Variants in FRMD1 observed in about 807,000 individuals in gnomAD.
FRMD1 encodes the protein FERM domain-containing protein 1.
A neutral mutation model predicts 54.9 loss-of-function variants in FRMD1; 51 were observed. The observed-to-expected ratio is 0.93, with a 90% CI of 0.74 to 1.17. The LOEUF (loss-of-function observed/expected upper bound fraction) is 1.17, where lower values mean the gene tolerates loss of function less well. FRMD1 is among the 50% of genes most tolerant of loss of function. The pLI, the probability that FRMD1 is intolerant of heterozygous loss-of-function variation, is 0.00. For synonymous variants in FRMD1, 324 were observed against 306.4 expected (o/e 1.06, Z -0.60); for missense variants, 729 against 743.0 (o/e 0.98, Z 0.22).
chr6:168,073,638 G>A (rs576406506), intron 2 of FRMD1, among the ~76,000 whole-genome samples: 1 of 152,108 alleles, frequency 6.6e-6, no homozygotes, highest in East Asian at 1.9e-4. Flanking sequence ...CCGCGCTGAG[G>A]GAAAGGCTGG....
At chr6:168,065,700 A>C in intron 4 of FRMD1, 9 of 986,878 alleles carry the variant, frequency 9.1e-6, no homozygotes, top group Non-Finnish European at 1.1e-5. Context: ...ACCACATACC[A>C]GTGTCTCCAG....
chr6:168,066,530 G>A (rs571158673), intron 4 of FRMD1: 19 of 1,282,964 alleles, frequency 1.5e-5, no homozygotes, highest in Non-Finnish European at 1.8e-5. Context: ...AAAAGAAAAA[G>A]AAAAGAAAAA....
rs1389156341 is a variant in FRMD1, at chr6:168,065,800, G to A, written c.462-743C>T. On this transcript the variant is annotated intron_variant, in intron 4 of 10. Coordinates refer to ENST00000283309, the MANE Select transcript of FRMD1 (RefSeq NM_024919.6). Reference sequence around the variant, plus strand: ...ACCCCCTAGAACCTTCCACACAACCGCACACATGCCTTTTGGAACTGGCAG... The same window carrying A: ...ACCCCCTAGAACCTTCCACACAACCACACACATGCCTTTTGGAACTGGCAG... 6.0e-6 allele frequency: 6 copies of A among 998,458 alleles called. No homozygotes were observed. The East Asian group carries it at 3.4e-4, about 57-fold the overall frequency. 61.8% of individuals were successfully genotyped at this position (998,458 alleles called of 1,614,324 possible).
upstream of FRMD1, among the ~76,000 whole-genome samples, chr6:168,086,416 C>T (rs561360748): frequency 2.7e-5 from 4 of 149,824 alleles, no homozygotes; most frequent in South Asian, 2.1e-4. Context: ...GACACCTACA[C>T]CCCTAGCATG....
intron 2 of FRMD1, among the ~76,000 whole-genome samples, chr6:168,070,088 G>A (rs1322337074): frequency 6.6e-6 from 1 of 152,206 alleles, no homozygotes. Flanking sequence ...TCTGGCTGTG[G>A]TGGTATGCAT....
In FRMD1 at chr6:168,073,369, G is replaced by A. The variant is rs564574343; in HGVS notation, c.304+1876C>T. ...ACACCTGCCCTCAGGGGCTCATGGT[G>A]TCCACTCAGGGTCCCCTGGGGGACT... On this transcript the variant is annotated intron_variant, in intron 2 of 10. Coordinates refer to ENST00000283309, the MANE Select transcript of FRMD1 (RefSeq NM_024919.6). Among the ~76,000 whole-genome samples, 11 of 152,312 alleles carry A rather than the reference G, an allele frequency of 7.2e-5. No homozygotes were observed. The South Asian group carries it at 2.1e-3, about 29-fold the overall frequency.
rs1012390031 is a variant in FRMD1, at chr6:168,053,671, T to A, written c.*3426A>T. 1.3e-5 allele frequency: 2 copies of A among 152,258 alleles called. No individual in the cohort carries two copies. Among genetic ancestry groups the A allele is most frequent in the African/African-American group, 4.8e-5 (2 of 41,472 alleles). 9.4% of individuals were successfully genotyped at this position (152,258 alleles called of 1,614,324 possible). A position where few individuals can be genotyped will look rare whatever the true frequency, so the allele number is the denominator to read the frequency against. On this transcript the variant is annotated 3_prime_UTR_variant, in exon 11 of 11. Transcript: ENST00000283309. ...TTTTTCTGCAAGTTTTACAAACTGA[T>A]AAACCTTTGTGAATGCACTCGCAGG...
chr6:168,062,906 C>T lies in FRMD1; in HGVS notation c.858G>A (p.Val286=), dbSNP rs747914557. The T allele has an allele frequency of 3.1e-6, 5 of 1,613,946 alleles. No homozygotes were observed. Among genetic ancestry groups the T allele is most frequent in the East Asian group, 2.2e-5 (1 of 44,864 alleles). ...CCCCTTCGGTCACCTGGTAGATGTGCACTCCCCTGAGGGCCAGTCCCAGGA... is the reference window on the plus strand; with the variant it reads ...CCCCTTCGGTCACCTGGTAGATGTGTACTCCCCTGAGGGCCAGTCCCAGGA... ...TVILGLALRG[V]HIYQGKKLEI... is the part of the protein sequence containing the mutation. The change falls in exon 7 of 11, where the codon GTG becomes GTA. Residue 286 remains valine (V), a synonymous_variant. Transcript: ENST00000283309.
intron 9 of FRMD1, among the ~76,000 whole-genome samples, chr6:168,060,279 G>T (rs1254252035): frequency 1.4e-5 from 2 of 143,312 alleles, no homozygotes; most frequent in East Asian, 4.3e-4. Flanking sequence ...AGAGGGAGGG[G>T]CTCCCTGGAA....
In FRMD1 at chr6:168,057,096, C is replaced by T. The variant is rs1206326667; in HGVS notation, c.*1G>A. On this transcript the variant is annotated 3_prime_UTR_variant, in exon 11 of 11. Transcript: ENST00000283309. ...GGACGGTACTGCTGGGTGGGTGGTGCCTACACCACAAACTCCTGTGGTGGA... is the reference window on the plus strand; with the variant it reads ...GGACGGTACTGCTGGGTGGGTGGTGTCTACACCACAAACTCCTGTGGTGGA... The T allele has an allele frequency of 3.4e-6, 5 of 1,473,104 alleles. No homozygotes were observed. Among genetic ancestry groups the T allele is most frequent in the East Asian group, 2.5e-5 (1 of 39,910 alleles). 91.3% of individuals were successfully genotyped at this position (1,473,104 alleles called of 1,614,324 possible).
chr6:168,090,169 T>C (rs2341609), intron 1 of FRMD1, among the ~76,000 whole-genome samples: 98,473 of 151,474 alleles, frequency 0.65, 32,036 homozygotes, highest in Middle Eastern at 0.78. Context: ...CTCGTCTCCC[T>C]CCTGAATGTT....
At position 168,064,909 on chromosome 6, in the gene FRMD1, C is replaced by G; in HGVS notation, c.610G>C (p.Gly204Arg). The G allele has an allele frequency of 6.3e-7, 1 of 1,596,154 alleles. No individual in the cohort carries two copies. Among genetic ancestry groups the G allele is most frequent in the African/African-American group, 1.3e-5 (1 of 74,680 alleles). The change falls in exon 5 of 11, where the codon GGG (glycine) becomes CGG (arginine). Residue 204 changes from glycine to arginine, a missense_variant. Transcript: ENST00000283309. ...LGEHRESAHA[G>R]RYFEPHSYFP... ...TAGGAGTGTGGCTCGAAGTACCTCC[C>G]GGCATGGGCCGACTCCCGGTGCTCG... is the stretch of plus-strand genomic sequence containing the variant.
Position 168,075,882 on chromosome 6 carries a change from CA to C in FRMD1, c.214-548del. 4 of 915,274 alleles carry C rather than the reference CA, an allele frequency of 4.4e-6. 1 individual carries two copies. The highest frequency in any genetic ancestry group is 1.6e-5 in the South Asian group (1 of 63,064). 56.7% of individuals were successfully genotyped at this position (915,274 alleles called of 1,614,324 possible). On this transcript the variant is annotated intron_variant, in intron 1 of 10. Coordinates refer to ENST00000283309, the MANE Select transcript of FRMD1 (RefSeq NM_024919.6). ...CCACATTTCCGGTGCCCGGTGTCCA[CA>C]TTTCCGGCGTCCCGTGTCCACATTT...
At chr6:168,062,846 G>T (rs1320592921) in intron 7 of FRMD1, 48 bp downstream of exon 7, 4 of 1,602,602 alleles carry the variant, frequency 2.5e-6, no homozygotes, top group Non-Finnish European at 2.6e-6. Context: ...GGAGGAGGGG[G>T]TGGGGGCAGG....
intron 6 of FRMD1, 140 bp from the exon 7 acceptor site, chr6:168,063,099 A>T (rs1799837839): frequency 1.4e-6 from 1 of 713,548 alleles, no homozygotes; most frequent in Admixed American, 2.1e-5. Context: ...AGACAGTCTC[A>T]TTCACTCCAG....
chr6:168,087,077 T>G (rs1286956914), intron 1 of FRMD1, among the ~76,000 whole-genome samples: 1 of 152,154 alleles, frequency 6.6e-6, no homozygotes, highest in Non-Finnish European at 1.5e-5. Flanking sequence ...TCACTTTTTT[T>G]TTTTTCTTCA....
chr6:168,075,592 C>T lies in FRMD1; in HGVS notation c.214-257G>A, dbSNP rs887536656. 71 of 744,222 alleles carry T rather than the reference C, an allele frequency of 9.5e-5. No homozygotes were observed. The South Asian group carries it at 1.1e-3, about 11-fold the overall frequency. The allele number at this position is 744,222 out of a possible 1,614,324, so 46.1% of individuals were successfully genotyped here. On this transcript the variant is annotated intron_variant, in intron 1 of 10. Transcript: ENST00000283309. ...AGTGGATCAGGGCTGCCCCCTCCAT[C>T]CCTGTCTGTCTCTGGTGTGAGGATT...
chr6:168,079,366 C>T (rs558029171), upstream of FRMD1, among the ~76,000 whole-genome samples: 1 of 152,358 alleles, frequency 6.6e-6, no homozygotes, highest in Admixed American at 6.5e-5. Context: ...GGTAGCTCAG[C>T]AGCCAGCCTC....
intron 1 of FRMD1, among the ~76,000 whole-genome samples, chr6:168,089,007 G>T (rs1800970865): frequency 1.4e-5 from 2 of 148,000 alleles, no homozygotes; most frequent in Non-Finnish European, 3.0e-5. Flanking sequence ...GGCTCCTGGG[G>T]AATGGGAGCT....
Sources: gnomAD v4.1 joint callset for allele counts (sites outside exome capture counted in the v4.1 genomes callset) on GRCh38, gnomAD v4.1.1 for gene constraint, MANE v1.5 for transcripts, NCBI Gene and HGNC (gene_info 2026-07-23, HGNC 2026-07-21) for gene names.